The following COPG2 variants were observed in gnomAD, a reference collection of about 807,000 sequenced individuals.
The protein encoded by COPG2 is coat protein complex I subunit gamma 2, also known as coatomer subunit gamma-2.
In COPG2, 37 loss-of-function variants were observed where a neutral mutation model predicts 46.3. That is an observed-to-expected ratio of 0.80 (90% CI 0.61 to 1.05). COPG2 has a LOEUF of 1.05. COPG2 is among the 50% of genes least tolerant of loss of function. The pLI is 0.00. For synonymous variants in COPG2, 159 were observed against 129.7 expected, an observed-to-expected ratio of 1.23 and a Z score of -1.53; for missense variants, 427 against 387.8, an observed-to-expected ratio of 1.10 and a Z score of -0.85.
chr7:130,577,328 C>T (rs929891636), intron 9 of COPG2, among the ~76,000 whole-genome samples: 24 of 152,188 alleles, frequency 1.6e-4, no homozygotes, highest in Admixed American at 1.4e-3. Flanking sequence ...GTGCGCAAGC[C>T]GAACCAGGGC....
At chr7:130,644,565 A>T (rs1159721363) in intron 5 of COPG2, among the ~76,000 whole-genome samples, 1 of 152,236 alleles carries the variant, frequency 6.6e-6, no homozygotes. Flanking sequence ...GTTCACTTTC[A>T]TGCAGTTGGT....
chr7:130,616,924 T>C (rs1312322605), intron 6 of COPG2, 66 bp downstream of exon 6: 2 of 1,005,188 alleles, frequency 2.0e-6, no homozygotes, highest in African/African-American at 3.3e-5. Context: ...TCCTACTAAA[T>C]CTACATGGCC....
At chr7:130,538,188 G>T (rs1799900874) in intron 20 of COPG2, among the ~76,000 whole-genome samples, 1 of 152,152 alleles carries the variant, frequency 6.6e-6, no homozygotes, top group African/African-American at 2.4e-5. Flanking sequence ...TGAAGAGGAG[G>T]TGGAGCATGT....
chr7:130,662,490 T>G (rs1795997591), intron 4 of COPG2, among the ~76,000 whole-genome samples: 1 of 152,216 alleles, frequency 6.6e-6, no homozygotes, highest in Admixed American at 6.5e-5. Flanking sequence ...AGCTGTATGT[T>G]CTGAAGGTCA....
chr7:130,572,356 C>T (rs1448444918), intron 9 of COPG2, among the ~76,000 whole-genome samples: 2 of 152,178 alleles, frequency 1.3e-5, no homozygotes, highest in African/African-American at 2.4e-5. Flanking sequence ...ACAACATGAT[C>T]AACCAACTCA....
chr7:130,653,446 G>A (rs782426603), intron 4 of COPG2, among the ~76,000 whole-genome samples: 10 of 152,144 alleles, frequency 6.6e-5, no homozygotes, highest in Non-Finnish European at 1.3e-4. Context: ...TAGAGACGGC[G>A]TACAGTATTA....
chr7:130,611,385 C>T (rs10241259), intron 8 of COPG2, among the ~76,000 whole-genome samples: 23,223 of 152,134 alleles, frequency 0.15, 3,364 homozygotes, highest in African/African-American at 0.38. Flanking sequence ...CACTGGCTCA[C>T]ACATCCTCAG....
At chr7:130,518,318 T>C in intron 20 of COPG2, among the ~76,000 whole-genome samples, 1 of 152,236 alleles carries the variant, frequency 6.6e-6, no homozygotes, top group Middle Eastern at 3.4e-3. Flanking sequence ...ATGAAAAGTT[T>C]TAATTAAAGA....
At chr7:130,637,236 A>G (rs200233242) in intron 5 of COPG2, among the ~76,000 whole-genome samples, 1 of 152,010 alleles carries the variant, frequency 6.6e-6, no homozygotes, top group Non-Finnish European at 1.5e-5. Context: ...TCTTTGTGAT[A>G]TTCTCTGTAT....
intron 5 of COPG2, among the ~76,000 whole-genome samples, chr7:130,627,315 A>C (rs958637741): frequency 2.7e-4 from 41 of 152,304 alleles, no homozygotes; most frequent in African/African-American, 9.6e-4. Context: ...ATGGTCTAGG[A>C]CACATAGCCC....
intron 5 of COPG2, among the ~76,000 whole-genome samples, chr7:130,620,569 TG>T (rs1795021866): frequency 6.6e-6 from 1 of 152,196 alleles, no homozygotes; most frequent in Admixed American, 6.5e-5. Context: ...CCTTTCTGAA[TG>T]GGAATGTATA....
chr7:130,564,627 G>A (rs1484912781), intron 9 of COPG2: 1 of 340,804 alleles, frequency 2.9e-6, no homozygotes, highest in East Asian at 4.4e-5. Context: ...ATCTATTTAA[G>A]AAAAGTAGCT....
At chr7:130,659,663 C>T (rs992335677) in intron 4 of COPG2, among the ~76,000 whole-genome samples, 3 of 152,016 alleles carry the variant, frequency 2.0e-5, no homozygotes, top group Non-Finnish European at 4.4e-5. Context: ...CCTATAATCC[C>T]AGTACTTTGG....
chr7:130,610,967 T>C lies in COPG2; in HGVS notation c.723A>G (p.Lys241=). The change falls in exon 9 of 24, where the codon AAA becomes AAG. Residue 241 remains lysine (K), a synonymous_variant. Coordinates refer to ENST00000425248, the MANE Select transcript of COPG2 (RefSeq NM_012133.6). ...MLIRIASRLL[K]ETEDGHESPL... The stretch of plus-strand genomic sequence containing the variant: ...AAGACACTTACCCATCCTCAGTTTC[T>C]TTTAGTAAGCGACTGGCAATTCGGA... 1 of 1,613,984 alleles carries C rather than the reference T, an allele frequency of 6.2e-7. No individual in the cohort carries two copies. The highest frequency in any genetic ancestry group is 8.5e-7 in the Non-Finnish European group (1 of 1,179,882).
chr7:130,638,802 C>T (rs558078967), intron 5 of COPG2, among the ~76,000 whole-genome samples: 4 of 152,234 alleles, frequency 2.6e-5, no homozygotes, highest in Middle Eastern at 3.4e-3. Flanking sequence ...GCAGCTAGCT[C>T]GGTGTCTGCC....
intron 20 of COPG2, chr7:130,509,216 T>C: frequency 6.2e-6 from 3 of 487,178 alleles, no homozygotes; most frequent in Non-Finnish European, 1.2e-5. Flanking sequence ...GTAATGAGTT[T>C]CTAGTATTGG....
intron 9 of COPG2, among the ~76,000 whole-genome samples, chr7:130,564,715 C>T (rs1420831080): frequency 6.6e-6 from 1 of 152,174 alleles, no homozygotes; most frequent in Non-Finnish European, 1.5e-5. Context: ...TTCCCAGTTC[C>T]ATAGCAGTCT....
intron 20 of COPG2, among the ~76,000 whole-genome samples, chr7:130,525,617 G>T (rs1435559913): frequency 1.3e-5 from 2 of 152,122 alleles, no homozygotes; most frequent in African/African-American, 2.4e-5. Context: ...CTGCTGTCAC[G>T]GAAGGCTAAA....
chr7:130,515,973 T>C (rs1159827332), intron 20 of COPG2, among the ~76,000 whole-genome samples: 1 of 152,032 alleles, frequency 6.6e-6, no homozygotes, highest in African/African-American at 2.4e-5. Flanking sequence ...CAGGAAGCTG[T>C]GGATCTCAGA....
Sources: allele counts gnomAD v4.1 joint callset (sites outside exome capture counted in the v4.1 genomes callset), GRCh38; gene constraint gnomAD v4.1.1; transcripts MANE v1.5; gene names NCBI Gene and HGNC (gene_info 2026-07-23, HGNC 2026-07-21).